NR3C2: variants seen among roughly 807,000 people sequenced by gnomAD.
The protein encoded by NR3C2 is mineralocorticoid receptor.
NR3C2 carries 15 observed loss-of-function variants against 86.4 expected under a neutral mutation model. The ratio of observed to expected loss-of-function variants is 0.17; its 90% CI spans 0.12 to 0.27. NR3C2 has a LOEUF of 0.27. NR3C2 is among the 10% of genes least tolerant of loss of function. The probability of loss-of-function intolerance (pLI) is 1.00; values close to 1 mark genes in which losing one functional copy is unlikely to be tolerated. For missense variants in NR3C2, 960 were observed against 1,195.6 expected (o/e 0.80, Z 2.91); for synonymous variants, 458 against 450.5 (o/e 1.02, Z -0.21).
chr4:148,254,981 AATT>A (rs1739759477), intron 3 of NR3C2, among the ~76,000 whole-genome samples: 1 of 152,282 alleles, frequency 6.6e-6, no homozygotes, highest in African/African-American at 2.4e-5. Flanking sequence ...GCTATATTTG[AATT>A]ATTACGTAAT....
At chr4:148,424,099 A>T (rs1216711501) in intron 2 of NR3C2, among the ~76,000 whole-genome samples, 1 of 152,266 alleles carries the variant, frequency 6.6e-6, no homozygotes, top group Non-Finnish European at 1.5e-5. Flanking sequence ...TTGATAACAG[A>T]ACTCAAAAAG....
intron 3 of NR3C2, among the ~76,000 whole-genome samples, chr4:148,202,237 G>T (rs892704301): frequency 1.3e-5 from 2 of 152,208 alleles, no homozygotes; most frequent in Admixed American, 6.5e-5. Context: ...GCCTCAGATT[G>T]AGCCTCCAGT....
At chr4:148,121,727 T>G in intron 6 of NR3C2, among the ~76,000 whole-genome samples, 1 of 152,192 alleles carries the variant, frequency 6.6e-6, no homozygotes, top group East Asian at 1.9e-4. Flanking sequence ...AATTTGAAAT[T>G]AGATATGCAC....
At position 148,331,256 on chromosome 4, in the gene NR3C2, A is replaced by C. The variant is rs147633526; in HGVS notation, c.1758-71139T>G. Among the ~76,000 whole-genome samples, 495 of 150,514 alleles carry C rather than the reference A, an allele frequency of 3.3e-3. 1 individual carries two copies. The highest frequency in any genetic ancestry group is 0.012 in the African/African-American group (472 of 40,548). ...TAGAAATCTTTGACATTTTCTTCTT[A>C]TAAGAAAAAAGCAGCAGGTGGGATA... On this transcript the variant is annotated intron_variant, in intron 2 of 8. Transcript: ENST00000358102.
chr4:148,317,375 G>GA (rs1210227159), intron 2 of NR3C2, among the ~76,000 whole-genome samples: 2 of 149,192 alleles, frequency 1.3e-5, no homozygotes, highest in Middle Eastern at 3.4e-3. Context: ...AAGAAAAAAA[G>GA]AAAAAAAAGA....
chr4:148,090,128 A>C (rs1332249658), intron 8 of NR3C2, among the ~76,000 whole-genome samples: 1 of 152,134 alleles, frequency 6.6e-6, no homozygotes, highest in East Asian at 1.9e-4. Context: ...CTCACCATCT[A>C]TCCAGCTAAG....
chr4:148,437,158 T>C (rs1416267717), intron 1 of NR3C2, among the ~76,000 whole-genome samples: 2 of 152,210 alleles, frequency 1.3e-5, no homozygotes, highest in African/African-American at 4.8e-5. Flanking sequence ...TTTACAAATG[T>C]TAACTTATTA....
rs377188480 is a variant in NR3C2, at chr4:148,192,642, G to T, written c.2014+2104C>A. Among the ~76,000 whole-genome samples, 120 of 151,596 alleles carry T rather than the reference G, an allele frequency of 7.9e-4. 2 individuals are homozygous for T. The South Asian group carries it at 0.024, about 31-fold the overall frequency. On this transcript the variant is annotated intron_variant, in intron 4 of 8. Transcript: ENST00000358102. ...ACGTCTGAGCTCAGACTCTCCTTGG[G>T]TGGGTCTTGCTGTGGCTGCTGTGGG...
chr4:148,442,575 C>A, upstream of NR3C2: 1 of 894,652 alleles, frequency 1.1e-6, no homozygotes, highest in Non-Finnish European at 1.3e-6. Flanking sequence ...CCCCCCTGAA[C>A]CCTTCCTATT....
chr4:148,282,482 A>G (rs762930466), intron 2 of NR3C2, among the ~76,000 whole-genome samples: 4 of 152,266 alleles, frequency 2.6e-5, no homozygotes, highest in Non-Finnish European at 5.9e-5. Context: ...ATCTTACAGC[A>G]TAAGAGTATG....
At chr4:148,352,845 TA>T (rs1362730528) in intron 2 of NR3C2, among the ~76,000 whole-genome samples, 2 of 152,108 alleles carry the variant, frequency 1.3e-5, no homozygotes, top group African/African-American at 4.8e-5. Flanking sequence ...AGCAAACCCC[TA>T]AAAATAAAGA....
At chr4:148,141,239 C>T (rs1733588028) in intron 6 of NR3C2, among the ~76,000 whole-genome samples, 1 of 152,116 alleles carries the variant, frequency 6.6e-6, no homozygotes, top group Non-Finnish European at 1.5e-5. Flanking sequence ...TTGAGACCAG[C>T]CTGGCCAACA....
intron 6 of NR3C2, among the ~76,000 whole-genome samples, chr4:148,130,831 T>G (rs1355835881): frequency 3.5e-5 from 5 of 144,596 alleles, no homozygotes; most frequent in East Asian, 2.0e-4. Flanking sequence ...TTTTTTTTTT[T>G]TTTTTTTTTT....
At chr4:148,278,600 C>T (rs1414420604) in intron 2 of NR3C2, among the ~76,000 whole-genome samples, 1 of 152,056 alleles carries the variant, frequency 6.6e-6, no homozygotes, top group Non-Finnish European at 1.5e-5. Context: ...CACACCCACA[C>T]CCATTTTTAA....
chr4:148,162,933 G>C (rs1476929187), intron 4 of NR3C2, among the ~76,000 whole-genome samples: 3 of 151,956 alleles, frequency 2.0e-5, no homozygotes, highest in Non-Finnish European at 4.4e-5. Flanking sequence ...ACATGCTTCT[G>C]AAAGAAAAAA....
At chr4:148,376,146 A>C (rs1465900440) in intron 2 of NR3C2, among the ~76,000 whole-genome samples, 1 of 45,906 alleles carries the variant, frequency 2.2e-5, no homozygotes, top group Non-Finnish European at 5.3e-5. Flanking sequence ...GGAGTAAGGC[A>C]AAAAAAAAAA....
chr4:148,226,452 T>C (rs1020899123), intron 3 of NR3C2, among the ~76,000 whole-genome samples: 7 of 152,202 alleles, frequency 4.6e-5, no homozygotes, highest in Non-Finnish European at 8.8e-5. Flanking sequence ...TTTTCATTGC[T>C]GAATAGTATT....
intron 6 of NR3C2, chr4:148,146,862 A>G (rs1407425749): frequency 6.6e-6 from 1 of 152,206 alleles, no homozygotes; most frequent in Non-Finnish European, 1.5e-5. Context: ...GCAAGTCTTT[A>G]ATATATGTTT....
chr4:148,427,494 C>T (rs1192217905), intron 2 of NR3C2, among the ~76,000 whole-genome samples: 1 of 151,830 alleles, frequency 6.6e-6, no homozygotes, highest in Non-Finnish European at 1.5e-5. Context: ...GCTCAGAAAC[C>T]TGATGTGGAA....
Sources: allele counts gnomAD v4.1 joint callset (sites outside exome capture counted in the v4.1 genomes callset), GRCh38; gene constraint gnomAD v4.1.1; transcripts MANE v1.5; gene names NCBI Gene and HGNC (gene_info 2026-07-23, HGNC 2026-07-21).